Variants in ATP8A2 observed in about 807,000 individuals in gnomAD.
The protein encoded by ATP8A2 is ATPase phospholipid transporting 8A2, also known as phospholipid-transporting ATPase IB.
In ATP8A2, 100 loss-of-function variants were observed where a neutral mutation model predicts 165.6. The observed-to-expected ratio is 0.60, with a 90% CI of 0.51 to 0.71. The LOEUF is 0.71. Among genes scored for constraint, ATP8A2 ranks in the 30% least tolerant of loss-of-function variants. ATP8A2 has a pLI of 0.00. For missense variants in ATP8A2, 1,227 were observed against 1,479.5 expected, an observed-to-expected ratio of 0.83 and a Z score of 2.80; for synonymous variants, 543 against 548.8, an observed-to-expected ratio of 0.99 and a Z score of 0.15.
intron 24 of ATP8A2, among the ~76,000 whole-genome samples, chr13:25,669,254 T>C (rs1335542859): frequency 1.3e-5 from 2 of 152,218 alleles, no homozygotes; most frequent in African/African-American, 4.8e-5. Context: ...GGTTGCATTC[T>C]TTACTGTGTA....
chr13:25,528,929 A>G (rs2037940736), intron 2 of ATP8A2, among the ~76,000 whole-genome samples: 1 of 151,814 alleles, frequency 6.6e-6, no homozygotes, highest in African/African-American at 2.4e-5. Context: ...TGCACCCATT[A>G]ACTCATCATT....
intron 28 of ATP8A2, among the ~76,000 whole-genome samples, chr13:25,829,216 G>A (rs1359355321): frequency 6.6e-6 from 1 of 152,100 alleles, no homozygotes; most frequent in African/African-American, 2.4e-5. Flanking sequence ...AGGAGGACTG[G>A]GTCCAGATCT....
intron 33 of ATP8A2, chr13:25,871,285 C>G (rs949404722): frequency 6.8e-6 from 2 of 292,730 alleles, no homozygotes; most frequent in Admixed American, 4.9e-5. Context: ...TTGAACTTTT[C>G]CTTTCTTGAA....
chr13:25,516,037 T>C (rs1382730857), intron 2 of ATP8A2, among the ~76,000 whole-genome samples: 2 of 152,210 alleles, frequency 1.3e-5, no homozygotes, highest in East Asian at 1.9e-4. Flanking sequence ...TTGCCCCAGA[T>C]TTTTAACTCT....
At chr13:25,667,552 T>A (rs1159503049) in intron 24 of ATP8A2, among the ~76,000 whole-genome samples, 1 of 152,154 alleles carries the variant, frequency 6.6e-6, no homozygotes. Flanking sequence ...CTCCATCTCA[T>A]GTTGTGATGC....
rs551919389 is a variant in ATP8A2 at position 25,995,764 on chromosome 13, TA to T, written c.3378-16766del. ...GAAAGAATGTGCATTCTGTTGTTATTAGGTAGAGTGTGGCATGAATATATCC... is the reference window on the plus strand; with the variant it reads ...GAAAGAATGTGCATTCTGTTGTTATTGGTAGAGTGTGGCATGAATATATCC... On this transcript the variant is annotated intron_variant, in intron 35 of 36. Transcript: ENST00000381655. Among the ~76,000 whole-genome samples the T allele has an allele frequency of 2.5e-3, 380 of 152,254 alleles. 2 individuals carry two copies. Among genetic ancestry groups the T allele is most frequent in the Non-Finnish European group, 3.0e-3 (205 of 67,984 alleles).
chr13:25,894,612 A>C (rs1172948985), intron 33 of ATP8A2, among the ~76,000 whole-genome samples: 1 of 152,182 alleles, frequency 6.6e-6, no homozygotes, highest in Non-Finnish European at 1.5e-5. Flanking sequence ...TTGAATCTAT[A>C]AATTACCTTG....
chr13:25,749,132 G>A (rs1332172682), intron 25 of ATP8A2, among the ~76,000 whole-genome samples: 1 of 152,214 alleles, frequency 6.6e-6, no homozygotes, highest in Non-Finnish European at 1.5e-5. Flanking sequence ...TGAAATAAAA[G>A]TTGACACTTT....
intron 24 of ATP8A2, among the ~76,000 whole-genome samples, chr13:25,666,761 A>G (rs1478485297): frequency 2.0e-5 from 3 of 152,210 alleles, no homozygotes; most frequent in Non-Finnish European, 2.9e-5. Context: ...CAGGGAGACT[A>G]GTTCAAGGTA....
chr13:25,598,877 A>T (rs2040306399), intron 24 of ATP8A2, among the ~76,000 whole-genome samples: 4 of 152,116 alleles, frequency 2.6e-5, no homozygotes. Context: ...GCAGGCAGTT[A>T]CTTGTGAGTT....
At chr13:25,740,017 T>TAGAGAA (rs371506640) in intron 25 of ATP8A2, among the ~76,000 whole-genome samples, 1,601 of 152,142 alleles carry the variant, frequency 0.011, 26 homozygotes, top group African/African-American at 0.035. Context: ...TCATCCTCAA[T>TAGAGAA]AGAGAAAGAG....
intron 25 of ATP8A2, among the ~76,000 whole-genome samples, chr13:25,738,344 C>CT (rs1352803464): frequency 8.2e-6 from 1 of 121,754 alleles, no homozygotes; most frequent in East Asian, 2.2e-4. Flanking sequence ...CCCCCCTCCC[C>CT]CCCCCCCACA....
intron 1 of ATP8A2, among the ~76,000 whole-genome samples, chr13:25,416,790 A>G (rs117360780): frequency 4.6e-5 from 7 of 152,228 alleles, no homozygotes; most frequent in East Asian, 1.9e-4. Flanking sequence ...AATATTTATG[A>G]TTAGCCTCTG....
At chr13:25,701,239 GCT>G (rs1242193336) in intron 25 of ATP8A2, among the ~76,000 whole-genome samples, 2 of 152,164 alleles carry the variant, frequency 1.3e-5, no homozygotes, top group East Asian at 1.9e-4. Flanking sequence ...TAGCTAATGA[GCT>G]CTCTTTTTAA....
intron 2 of ATP8A2, among the ~76,000 whole-genome samples, chr13:25,478,692 C>T (rs147102944): frequency 6.6e-6 from 1 of 152,282 alleles, no homozygotes; most frequent in Non-Finnish European, 1.5e-5. Context: ...TATGTATCTT[C>T]AGTCTACGTA....
chr13:25,837,410 A>C, intron 29 of ATP8A2, 125 bp downstream of exon 29: 3 of 861,934 alleles, frequency 3.5e-6, no homozygotes, highest in South Asian at 1.6e-5. Context: ...AACATGATCC[A>C]CTCACCCCAC....
intron 34 of ATP8A2, among the ~76,000 whole-genome samples, chr13:25,963,917 A>C (rs1286512131): frequency 6.6e-6 from 1 of 152,262 alleles, no homozygotes; most frequent in Non-Finnish European, 1.5e-5. Context: ...GATAAATCAA[A>C]TGACACTACT....
At chr13:25,611,722 T>G (rs1044609480) in intron 24 of ATP8A2, among the ~76,000 whole-genome samples, 1 of 152,164 alleles carries the variant, frequency 6.6e-6, no homozygotes, top group Non-Finnish European at 1.5e-5. Flanking sequence ...GTACCAATGC[T>G]TTGAATGTCT....
At chr13:25,474,697 GTTGTT>G (rs1310274889) in intron 2 of ATP8A2, among the ~76,000 whole-genome samples, 1 of 151,002 alleles carries the variant, frequency 6.6e-6, no homozygotes, top group Non-Finnish European at 1.5e-5. Context: ...TTGTTTTTTG[GTTGTT>G]TTGTTTTAAT....
Sources: allele counts gnomAD v4.1 joint callset (sites outside exome capture counted in the v4.1 genomes callset), GRCh38; gene constraint gnomAD v4.1.1; transcripts MANE v1.5; gene names NCBI Gene and HGNC (gene_info 2026-07-23, HGNC 2026-07-21).